Variants in CELF4 observed in about 807,000 individuals in gnomAD.
The protein encoded by CELF4 is CUGBP Elav-like family member 4, also known as CUG-BP- and ETR-3-like factor 4.
In CELF4, 18 loss-of-function variants were observed where a neutral mutation model predicts 59.9. That is an observed-to-expected ratio of 0.30 (90% CI 0.21 to 0.45). The LOEUF (loss-of-function observed/expected upper bound fraction) is 0.45. CELF4 is among the 20% of genes least tolerant of loss of function. CELF4 has a pLI of 1.00. For missense variants in CELF4, 456 were observed against 689.0 expected (o/e 0.66, Z 3.79); for synonymous variants, 261 against 267.1 (o/e 0.98, Z 0.22).
chr18:37,252,140 A>G (rs947602616), intron 12 of CELF4, among the ~76,000 whole-genome samples: 1 of 152,078 alleles, frequency 6.6e-6, no homozygotes, highest in Non-Finnish European at 1.5e-5. Context: ...GAGACTGGGA[A>G]GCTGGAGACC....
intron 2 of CELF4, among the ~76,000 whole-genome samples, chr18:37,391,639 C>A (rs577689901): frequency 1.3e-5 from 2 of 152,196 alleles, no homozygotes; most frequent in Non-Finnish European, 2.9e-5. Context: ...CATGGCATGG[C>A]GACCAGGTCA....
chr18:37,430,696 C>T (rs2099643735), intron 2 of CELF4, among the ~76,000 whole-genome samples: 2 of 152,192 alleles, frequency 1.3e-5, no homozygotes, highest in Admixed American at 1.3e-4. Flanking sequence ...GCAGGGCACC[C>T]CTAAGTTGCT....
Position 37,353,977 on chromosome 18 carries a change from T to G in CELF4, c.370-32096A>C, listed in dbSNP as rs528128508. Among the ~76,000 whole-genome samples the G allele has an allele frequency of 4.6e-5, 7 of 152,068 alleles. No individual in the cohort carries two copies. The East Asian group carries it at 9.7e-4, about 21-fold the overall frequency. On this transcript the variant is annotated intron_variant, in intron 2 of 12. Coordinates refer to ENST00000420428, the MANE Select transcript of CELF4 (RefSeq NM_020180.4). ...TCACCGTGTTAGCCAGGATGGTCTC[T>G]ATCTCCTGACTTCGTGATCTGCCCG...
chr18:37,424,287 G>A lies in CELF4; in HGVS notation c.369+61238C>T, dbSNP rs148295312. ...TGAATGACAAGATCTCTATGCAGGC[G>A]TATGGAGCCAAGGAGAGGTGGGCTG... On this transcript the variant is annotated intron_variant, in intron 2 of 12. Transcript: ENST00000420428. Among the ~76,000 whole-genome samples the A allele has an allele frequency of 9.6e-3, 1,465 of 152,228 alleles. 13 individuals are homozygous for A. Among genetic ancestry groups the A allele is most frequent in the Middle Eastern group, 0.027 (8 of 294 alleles).
chr18:37,346,716 TA>T (rs1232863142), intron 2 of CELF4, among the ~76,000 whole-genome samples: 2 of 147,862 alleles, frequency 1.4e-5, no homozygotes, highest in African/African-American at 2.5e-5. Flanking sequence ...TGGGGAGGAG[TA>T]GGTGGAAGGG....
intron 1 of CELF4, among the ~76,000 whole-genome samples, chr18:37,514,233 T>C (rs565658783): frequency 6.6e-6 from 1 of 152,208 alleles, no homozygotes; most frequent in African/African-American, 2.4e-5. Context: ...ACTTCTCCCA[T>C]CATCTGAGGG....
At chr18:37,488,651 T>G (rs2099887980) in intron 1 of CELF4, among the ~76,000 whole-genome samples, 1 of 151,860 alleles carries the variant, frequency 6.6e-6, no homozygotes, top group South Asian at 2.1e-4. Flanking sequence ...TCACCATGCT[T>G]CCCCCTTCAC....
intron 2 of CELF4, among the ~76,000 whole-genome samples, chr18:37,393,959 G>A (rs1356802325): frequency 6.7e-6 from 1 of 150,048 alleles, no homozygotes; most frequent in African/African-American, 2.5e-5. Context: ...CGAGCGGAGC[G>A]CCAGAGGTCG....
rs143934986 is a variant in CELF4, at chr18:37,360,067, G to A, written c.370-38186C>T. ...AGGGTTTCACCATGTTGGCCAGACT[G>A]GTCTCGAACTCCTGACCTCAGGCAA... is the stretch of plus-strand genomic sequence containing the variant. On this transcript the variant is annotated intron_variant, in intron 2 of 12. Coordinates refer to ENST00000420428, the MANE Select transcript of CELF4 (RefSeq NM_020180.4). Among the ~76,000 whole-genome samples, 254 of 150,400 alleles carry A rather than the reference G, an allele frequency of 1.7e-3. 2 individuals are homozygous for A. The highest frequency in any genetic ancestry group is 6.1e-3 in the African/African-American group (247 of 40,736).
Position 37,265,118 on chromosome 18 carries a change from T to G in CELF4, c.1166-361A>C, listed in dbSNP as rs564530019. ...GCATACATGCAAGTGTGTGGGTGTG[T>G]GTGTACATTACATGCATACATGCAT... On this transcript the variant is annotated intron_variant, in intron 9 of 12. Coordinates refer to ENST00000420428, the MANE Select transcript of CELF4 (RefSeq NM_020180.4). 2.3e-4 allele frequency among the ~76,000 whole-genome samples: 35 copies of G among 151,484 alleles called. No homozygotes were observed. The East Asian group carries it at 6.3e-3, about 27-fold the overall frequency.
At chr18:37,487,622 C>T (rs943159130) in intron 1 of CELF4, among the ~76,000 whole-genome samples, 6 of 152,154 alleles carry the variant, frequency 3.9e-5, no homozygotes, top group Admixed American at 1.3e-4. Flanking sequence ...CTCCCGGGGG[C>T]GTCTTTCCTC....
At chr18:37,431,299 G>C (rs935510891) in intron 2 of CELF4, among the ~76,000 whole-genome samples, 2 of 151,568 alleles carry the variant, frequency 1.3e-5, no homozygotes, top group Non-Finnish European at 2.9e-5. Context: ...TTTCCTGGTG[G>C]GCTTATCATC....
intron 1 of CELF4, among the ~76,000 whole-genome samples, chr18:37,545,176 T>A (rs1381905271): frequency 6.6e-6 from 1 of 152,220 alleles, no homozygotes; most frequent in Non-Finnish European, 1.5e-5. Flanking sequence ...TTGCTGCAGA[T>A]GCATTGGGCA....
chr18:37,455,141 T>C (rs1255655024), intron 2 of CELF4, among the ~76,000 whole-genome samples: 1 of 152,254 alleles, frequency 6.6e-6, no homozygotes, highest in African/African-American at 2.4e-5. Context: ...TTTTATTTCC[T>C]TAAAACAGCA....
chr18:37,437,462 C>G (rs1022687945), intron 2 of CELF4, among the ~76,000 whole-genome samples: 1 of 152,094 alleles, frequency 6.6e-6, no homozygotes, highest in Non-Finnish European at 1.5e-5. Context: ...CCAGAGAGCA[C>G]TTTTGGTGGG....
intron 2 of CELF4, among the ~76,000 whole-genome samples, chr18:37,474,477 T>G (rs1412456217): frequency 6.6e-6 from 1 of 152,192 alleles, no homozygotes; most frequent in African/African-American, 2.4e-5. Context: ...CCTGCCCTCA[T>G]GCAGCTCTGG....
chr18:37,469,865 G>A (rs574067989), intron 2 of CELF4, among the ~76,000 whole-genome samples: 29 of 152,254 alleles, frequency 1.9e-4, no homozygotes, highest in Non-Finnish European at 2.9e-4. Context: ...GCTGGAGCAC[G>A]CAAACCAACA....
intron 2 of CELF4, among the ~76,000 whole-genome samples, chr18:37,393,731 G>T (rs1219797462): frequency 1.3e-5 from 2 of 150,554 alleles, no homozygotes; most frequent in African/African-American, 4.8e-5. Flanking sequence ...GCCCATCTAG[G>T]CAGATTCCTT....
chr18:37,507,230 T>C lies in CELF4; in HGVS notation c.287-21623A>G, dbSNP rs977209600. Among the ~76,000 whole-genome samples, 3 of 152,226 alleles carry C rather than the reference T, an allele frequency of 2.0e-5. No individual in the cohort carries two copies. In the East Asian group the frequency reaches 5.8e-4, roughly 29 times the overall value. ...CAAGGCCCAGAGACCCTGACAGTCA[T>C]CTGAGTGAGTGCTAGGAACAGGGTG... On this transcript the variant is annotated intron_variant, in intron 1 of 12. Coordinates refer to ENST00000420428, the MANE Select transcript of CELF4 (RefSeq NM_020180.4).
Sources: gnomAD v4.1 joint callset for allele counts (sites outside exome capture counted in the v4.1 genomes callset) on GRCh38, gnomAD v4.1.1 for gene constraint, MANE v1.5 for transcripts, NCBI Gene and HGNC (gene_info 2026-07-23, HGNC 2026-07-21) for gene names.